The following FRK variants were observed in gnomAD, a reference collection of about 807,000 sequenced individuals.
FRK encodes fyn related Src family tyrosine kinase.
Under a neutral mutation model 56.4 loss-of-function variants are expected in FRK, and 51 were observed. The observed-to-expected ratio is 0.90, with a 90% CI of 0.72 to 1.14. FRK has a LOEUF of 1.14. Among genes scored for constraint, FRK ranks in the 50% most tolerant of loss-of-function variants. The probability of loss-of-function intolerance (pLI) is 0.00; values close to 1 mark genes in which losing one functional copy is unlikely to be tolerated. For missense variants in FRK, 570 were observed against 601.4 expected (o/e 0.95, Z 0.55); for synonymous variants, 245 against 217.9 (o/e 1.12, Z -1.10).
chr6:116,066,492 C>G, the FRK span, among the ~76,000 whole-genome samples: 1 of 151,760 alleles, frequency 6.6e-6, no homozygotes, highest in East Asian at 1.9e-4. Context: ...TCTAGAGAAC[C>G]CTGACTAATA....
At chr6:116,044,535 C>A (rs35346019) in intron 1 of FRK, among the ~76,000 whole-genome samples, 5 of 152,226 alleles carry the variant, frequency 3.3e-5, no homozygotes, top group Non-Finnish European at 5.9e-5. Flanking sequence ...ATTCAACACC[C>A]CTTCATGCTA....
chr6:115,948,274 C>T (rs553812356), intron 5 of FRK, among the ~76,000 whole-genome samples: 19 of 152,264 alleles, frequency 1.2e-4, no homozygotes, highest in African/African-American at 4.3e-4. Flanking sequence ...CAGGAGGAAG[C>T]GACACCTGCC....
intron 1 of FRK, among the ~76,000 whole-genome samples, chr6:116,030,586 T>C (rs1047096047): frequency 6.6e-6 from 1 of 152,006 alleles, no homozygotes; most frequent in Non-Finnish European, 1.5e-5. Flanking sequence ...TAATTGATCA[T>C]ACCCACGTGA....
At chr6:116,090,512 C>T in the FRK span, among the ~76,000 whole-genome samples, 40 of 152,172 alleles carry the variant, frequency 2.6e-4, 1 homozygote, top group African/African-American at 7.9e-4. Flanking sequence ...CTGAAATGGC[C>T]GCATGGTTTG....
the FRK span, among the ~76,000 whole-genome samples, chr6:116,075,697 A>C: frequency 6.6e-6 from 1 of 152,086 alleles, no homozygotes; most frequent in African/African-American, 2.4e-5. Context: ...ACCACCCACA[A>C]TTAAGGAGTA....
the FRK span, among the ~76,000 whole-genome samples, chr6:116,097,534 A>G: frequency 6.6e-6 from 1 of 152,222 alleles, no homozygotes; most frequent in Non-Finnish European, 1.5e-5. Flanking sequence ...TTCACAAAAG[A>G]TCAGTTATTG....
intron 2 of FRK, among the ~76,000 whole-genome samples, chr6:115,991,260 A>C (rs1302677551): frequency 6.6e-6 from 1 of 151,748 alleles, no homozygotes; most frequent in Non-Finnish European, 1.5e-5. Context: ...AATGACTTTT[A>C]TTTCTTTTTC....
chr6:116,024,836 A>G lies in FRK; in HGVS notation c.345-20838T>C, dbSNP rs551427481. ...TCCAGTTCTAGATCCCTGAGGAATC[A>G]CCACACTGACTTCCACAATGGTTGA... On this transcript the variant is annotated intron_variant, in intron 1 of 7. Transcript: ENST00000606080. 4.4e-3 allele frequency among the ~76,000 whole-genome samples: 674 copies of G among 152,224 alleles called. 7 individuals carry two copies. Among genetic ancestry groups the G allele is most frequent in the African/African-American group, 0.015 (618 of 41,532 alleles).
the FRK span, among the ~76,000 whole-genome samples, chr6:116,078,365 G>A: frequency 6.6e-6 from 1 of 152,092 alleles, no homozygotes; most frequent in Non-Finnish European, 1.5e-5. Context: ...TTCTTCTAAT[G>A]TCCCTTGACC....
At position 115,936,163 on chromosome 6, in the gene FRK, C is replaced by A; in HGVS notation, c.*6251G>T. The stretch of plus-strand genomic sequence containing the variant: ...AGGAAAGAACAGGCAGCAATCTTTG[C>A]TGTTCTGCAGCCTCCACTCGTGACA... On this transcript the variant is annotated 3_prime_UTR_variant, in exon 8 of 8. Coordinates refer to ENST00000606080, the MANE Select transcript of FRK (RefSeq NM_002031.3). 1 of 159,488 alleles carries A rather than the reference C, an allele frequency of 6.3e-6. No individual in the cohort carries two copies. The highest frequency in any genetic ancestry group is 1.3e-5 in the Non-Finnish European group (1 of 74,144). The allele number at this position is 159,488 out of a possible 1,614,324, so 9.9% of individuals were successfully genotyped here.
intron 1 of FRK, among the ~76,000 whole-genome samples, chr6:116,030,980 G>A (rs1007084786): frequency 2.6e-5 from 4 of 152,084 alleles, no homozygotes; most frequent in African/African-American, 9.7e-5. Context: ...TAAGCAGTAA[G>A]AGCCTTAAAT....
the FRK span, among the ~76,000 whole-genome samples, chr6:116,089,094 T>C: frequency 6.6e-6 from 1 of 152,208 alleles, no homozygotes; most frequent in Admixed American, 6.5e-5. Context: ...ACATATTATT[T>C]ATACTGCTAT....
At chr6:116,059,638 AT>A (rs902208342) in intron 1 of FRK, among the ~76,000 whole-genome samples, 1 of 152,224 alleles carries the variant, frequency 6.6e-6, no homozygotes, top group Non-Finnish European at 1.5e-5. Flanking sequence ...TTCAAACAAA[AT>A]GCAATTTTAT....
Position 115,999,269 on chromosome 6 carries a change from G to T in FRK, c.466+4608C>A, listed in dbSNP as rs117808378. Among the ~76,000 whole-genome samples the T allele has an allele frequency of 1.2e-4, 19 of 152,292 alleles. No individual in the cohort carries two copies. In the East Asian group the frequency reaches 3.5e-3, roughly 28 times the overall value. On this transcript the variant is annotated intron_variant, in intron 2 of 7. Coordinates refer to ENST00000606080, the MANE Select transcript of FRK (RefSeq NM_002031.3). ...AAGAGTAAGGTCACTAAAACTATCTGTCATGCATCTAATGAAGACAGATTC... is the reference window on the plus strand; with the variant it reads ...AAGAGTAAGGTCACTAAAACTATCTTTCATGCATCTAATGAAGACAGATTC...
At chr6:115,994,471 A>C (rs900115716) in intron 2 of FRK, among the ~76,000 whole-genome samples, 1 of 152,068 alleles carries the variant, frequency 6.6e-6, no homozygotes, top group Non-Finnish European at 1.5e-5. Flanking sequence ...GCAGGGCTGC[A>C]AATGCATTAA....
At chr6:116,087,544 C>T in the FRK span, among the ~76,000 whole-genome samples, 2 of 152,218 alleles carry the variant, frequency 1.3e-5, no homozygotes, top group Non-Finnish European at 2.9e-5. Flanking sequence ...GTTTGGAAAG[C>T]ACTAAACTAT....
intron 1 of FRK, among the ~76,000 whole-genome samples, chr6:116,016,383 T>G (rs1174314364): frequency 6.6e-6 from 1 of 152,234 alleles, no homozygotes; most frequent in Non-Finnish European, 1.5e-5. Context: ...GTAATGGATA[T>G]TCCAATTCAG....
the FRK span, among the ~76,000 whole-genome samples, chr6:116,086,536 G>T: frequency 6.6e-6 from 1 of 152,174 alleles, no homozygotes; most frequent in South Asian, 2.1e-4. Flanking sequence ...TCTACCAAAG[G>T]TCAAATTAAA....
chr6:115,934,144 T>G lies in FRK; in HGVS notation c.*8270A>C, dbSNP rs1164318889. The G allele has an allele frequency of 1.3e-5, 2 of 152,162 alleles. No individual in the cohort carries two copies. The highest frequency in any genetic ancestry group is 2.4e-5 in the African/African-American group (1 of 41,440). The allele number at this position is 152,162 out of a possible 1,614,324, so 9.4% of individuals were successfully genotyped here. A position where few individuals can be genotyped will look rare whatever the true frequency, so the allele number is the denominator to read the frequency against. ...ATGGGTGGATAGATAAATACAGAGA[T>G]AGATAATTCTAACCGTTAATTCACC... is the stretch of plus-strand genomic sequence containing the variant. On this transcript the variant is annotated 3_prime_UTR_variant, in exon 8 of 8. Transcript: ENST00000606080.
Sources: gnomAD v4.1 joint callset for allele counts (sites outside exome capture counted in the v4.1 genomes callset) on GRCh38, gnomAD v4.1.1 for gene constraint, MANE v1.5 for transcripts, NCBI Gene and HGNC (gene_info 2026-07-23, HGNC 2026-07-21) for gene names.